The following ADAMTS2 variants were observed in gnomAD, a reference collection of about 807,000 sequenced individuals.
ADAMTS2 encodes A disintegrin and metalloproteinase with thrombospondin motifs 2.
ADAMTS2 carries 50 observed loss-of-function variants against 123.0 expected under a neutral mutation model. The ratio of observed to expected loss-of-function variants is 0.41; its 90% confidence interval spans 0.32 to 0.51. The LOEUF is 0.51. ADAMTS2 is among the 20% of genes least tolerant of loss of function. The pLI, the probability that ADAMTS2 is intolerant of heterozygous loss-of-function variation, is 0.35. For synonymous variants in ADAMTS2, 678 were observed against 695.4 expected (o/e 0.98, Z 0.39); for missense variants, 1,494 against 1,705.2 (o/e 0.88, Z 2.18).
At chr5:179,301,323 G>A (rs1279987959) in intron 2 of ADAMTS2, among the ~76,000 whole-genome samples, 1 of 152,278 alleles carries the variant, frequency 6.6e-6, no homozygotes, top group Non-Finnish European at 1.5e-5. Flanking sequence ...TTCGACCTCT[G>A]CTTTTCCGTG....
intron 4 of ADAMTS2, among the ~76,000 whole-genome samples, chr5:179,200,127 A>G (rs1581184775): frequency 6.6e-6 from 1 of 152,074 alleles, no homozygotes; most frequent in East Asian, 1.9e-4. Context: ...AGTGTTCCCC[A>G]CTGGTAATAT....
At chr5:179,153,726 C>T (rs889486386) in intron 8 of ADAMTS2, 103 bp from the exon 9 acceptor site, 18 of 1,453,708 alleles carry the variant, frequency 1.2e-5, no homozygotes, top group Non-Finnish European at 1.7e-5. Flanking sequence ...GGCAGCCCTA[C>T]CTGCACATCC....
At chr5:179,320,489 T>C (rs1223508921) in intron 2 of ADAMTS2, among the ~76,000 whole-genome samples, 1 of 151,656 alleles carries the variant, frequency 6.6e-6, no homozygotes, top group African/African-American at 2.4e-5. Context: ...TTTTTTTTTT[T>C]TTGTATTTTT....
At chr5:179,136,621 C>A (rs1763070732) in intron 12 of ADAMTS2, among the ~76,000 whole-genome samples, 1 of 149,002 alleles carries the variant, frequency 6.7e-6, no homozygotes, top group Admixed American at 6.7e-5. Context: ...GCCAAGACTG[C>A]GCCACTGCAC....
intron 3 of ADAMTS2, 135 bp from the exon 4 acceptor site, chr5:179,207,850 G>A: frequency 1.2e-6 from 1 of 805,972 alleles, no homozygotes. Context: ...ATTTTACAGA[G>A]GAAAGCGAGG....
chr5:179,125,015 G>A lies in ADAMTS2; in HGVS notation c.2916C>T (p.Arg972=), dbSNP rs201390812. 19 of 1,607,750 alleles carry A rather than the reference G, an allele frequency of 1.2e-5. No individual in the cohort carries two copies. Among genetic ancestry groups the A allele is most frequent in the East Asian group, 6.8e-5 (3 of 44,356 alleles). Residue 972 remains arginine, a synonymous_variant, in exon 19 of 22, where the codon CGC becomes CGT. Transcript: ENST00000251582. ...ARPESRRACS[R]ELCPGRWRAG... ...CTCGCCAACGACCAGGGCAGAGCTC[G>A]CGGCTGCAGGCCCGGCGGCTCTCGG...
At chr5:179,222,610 G>T (rs989850433) in intron 3 of ADAMTS2, among the ~76,000 whole-genome samples, 1 of 152,240 alleles carries the variant, frequency 6.6e-6, no homozygotes, top group African/African-American at 2.4e-5. Flanking sequence ...ACTTTAAAAG[G>T]CTGGGGTTTC....
chr5:179,137,742 C>T (rs1011240987), intron 12 of ADAMTS2, 27 bp downstream of exon 12: 3 of 1,544,466 alleles, frequency 1.9e-6, no homozygotes, highest in Non-Finnish European at 2.6e-6. Flanking sequence ...TGCTGAGCCC[C>T]CACTGATGCC....
At chr5:179,138,468 C>T (rs1379169476) in intron 11 of ADAMTS2, among the ~76,000 whole-genome samples, 1 of 152,338 alleles carries the variant, frequency 6.6e-6, no homozygotes, top group Middle Eastern at 3.4e-3. Flanking sequence ...GCATCACGGC[C>T]GCTGGGTTTT....
intron 4 of ADAMTS2, among the ~76,000 whole-genome samples, chr5:179,186,803 G>A (rs1172836135): frequency 6.9e-6 from 1 of 145,622 alleles, no homozygotes; most frequent in African/African-American, 2.6e-5. Context: ...GGAGACAGGC[G>A]GTAGGGCTCC....
chr5:179,192,195 G>A (rs370208571), intron 4 of ADAMTS2, among the ~76,000 whole-genome samples: 4 of 152,264 alleles, frequency 2.6e-5, no homozygotes, highest in South Asian at 4.1e-4. Flanking sequence ...CCATCACCTT[G>A]CACTGTGCCC....
chr5:179,290,014 A>T (rs1452678208), intron 2 of ADAMTS2, among the ~76,000 whole-genome samples: 1 of 152,240 alleles, frequency 6.6e-6, no homozygotes, highest in African/African-American at 2.4e-5. Flanking sequence ...GACAACCGAC[A>T]TGAGTCGGAA....
At chr5:179,131,306 CAAA>C (rs553125844) in intron 15 of ADAMTS2, among the ~76,000 whole-genome samples, 7 of 22,676 alleles carry the variant, frequency 3.1e-4, no homozygotes, top group African/African-American at 8.8e-4. Flanking sequence ...GAGCGAGACT[CAAA>C]AAAAAAAAAA....
chr5:179,202,589 T>A lies in ADAMTS2; in HGVS notation c.891+4924A>T, dbSNP rs11960224. ...CATGCTCACAGCTGCACCCCTTGCCTGACATATAATAGACGCCCCATAAAC... is the reference window on the plus strand; with the variant it reads ...CATGCTCACAGCTGCACCCCTTGCCAGACATATAATAGACGCCCCATAAAC... On this transcript the variant is annotated intron_variant, in intron 4 of 21. Transcript: ENST00000251582. The surrounding 1 kb of genome is among the most constrained non-coding windows in gnomAD (Gnocchi z 4.0). Among the ~76,000 whole-genome samples, 11,237 of 152,152 alleles carry A rather than the reference T, an allele frequency of 0.074. 1,043 individuals are homozygous for A. Among genetic ancestry groups the A allele is most frequent in the African/African-American group, 0.22 (9,038 of 41,476 alleles).
rs574649288 is a variant in ADAMTS2 at position 179,210,580 on chromosome 5, A to C, written c.689-2865T>G. ...AGAGACGGCCCAAGGCCCAAAGGCA[A>C]AGTGGGTGAGGAGAGGAAGACAGGG... On this transcript the variant is annotated intron_variant, in intron 3 of 21. Transcript: ENST00000251582. Among the ~76,000 whole-genome samples, 18 of 152,364 alleles carry C rather than the reference A, an allele frequency of 1.2e-4. No individual in the cohort carries two copies. In the South Asian group the frequency reaches 3.5e-3, roughly 30 times the overall value.
intron 4 of ADAMTS2, among the ~76,000 whole-genome samples, chr5:179,205,532 C>T (rs1764661053): frequency 6.6e-6 from 1 of 152,182 alleles, no homozygotes; most frequent in Admixed American, 6.5e-5. Flanking sequence ...CTGGAGTCGC[C>T]ATCGGACTGT....
chr5:179,142,260 T>C (rs1054660287), intron 10 of ADAMTS2, among the ~76,000 whole-genome samples: 1 of 152,200 alleles, frequency 6.6e-6, no homozygotes, highest in African/African-American at 2.4e-5. Flanking sequence ...TTAAACCAGC[T>C]ACAGGTTGAG....
chr5:179,217,171 C>T (rs563584077), intron 3 of ADAMTS2, among the ~76,000 whole-genome samples: 3 of 152,320 alleles, frequency 2.0e-5, no homozygotes, highest in Admixed American at 6.5e-5. Flanking sequence ...GTGGTGGGGG[C>T]ATCCCACAAA....
At chr5:179,286,216 CAAAAA>C (rs33951526) in intron 2 of ADAMTS2, among the ~76,000 whole-genome samples, 2 of 66,052 alleles carry the variant, frequency 3.0e-5, no homozygotes, top group African/African-American at 1.2e-4. Context: ...ACTCTTGTCT[CAAAAA>C]AAAAAAAAAA....
Sources: allele counts gnomAD v4.1 joint callset (sites outside exome capture counted in the v4.1 genomes callset), GRCh38; gene constraint gnomAD v4.1.1; non-coding constraint Gnocchi (gnomAD v3.1); transcripts MANE v1.5; gene names NCBI Gene and HGNC (gene_info 2026-07-23, HGNC 2026-07-21).